DMXL2: variants seen among roughly 807,000 people sequenced by gnomAD.
The protein encoded by DMXL2 is dmX-like protein 2.
DMXL2 carries 103 observed loss-of-function variants against 331.1 expected under a neutral mutation model. The ratio of observed to expected loss-of-function variants is 0.31; its 90% CI spans 0.27 to 0.37. The LOEUF (loss-of-function observed/expected upper bound fraction) is 0.37, where lower values mean the gene tolerates loss of function less well. DMXL2 is among the 10% of genes least tolerant of loss of function. The pLI, the probability that DMXL2 is intolerant of heterozygous loss-of-function variation, is 1.00. For synonymous variants in DMXL2, 1,281 were observed against 1,252.1 expected, an observed-to-expected ratio of 1.02 and a Z score of -0.49; for missense variants, 3,171 against 3,642.9, an observed-to-expected ratio of 0.87 and a Z score of 3.33.
At chr15:51,583,157 G>C (rs1595610738) in intron 1 of DMXL2, among the ~76,000 whole-genome samples, 3 of 114,514 alleles carry the variant, frequency 2.6e-5, no homozygotes, top group South Asian at 3.2e-4. Context: ...CTAAGTTTTA[G>C]GGTACATGTG....
intron 1 of DMXL2, among the ~76,000 whole-genome samples, chr15:51,580,373 A>T (rs771700524): frequency 6.6e-6 from 1 of 152,208 alleles, no homozygotes; most frequent in Non-Finnish European, 1.5e-5. Context: ...TGACTAAGCT[A>T]AGTTAGTAAA....
Position 51,463,439 on chromosome 15 carries a change from T to C in DMXL2, c.7866A>G (p.Gln2622=). 6.2e-7 allele frequency: 1 copy of C among 1,602,490 alleles called. No individual in the cohort carries two copies. The change falls in exon 33 of 44, where the codon CAA becomes CAG. Residue 2622 remains glutamine (Q), a synonymous_variant. Transcript: ENST00000560891. The part of the protein sequence containing the change: ...VKRLWHFLVK[Q]EVLQETFIRY... ...TAATAAATGTCTCTTGAAGGACCTC[T>C]TGTTTAACAAGGAAATGCCAAAGTC...
At chr15:51,583,105 TCTTTTTTTTTTTTTTC>T (rs1304785129) in intron 1 of DMXL2, among the ~76,000 whole-genome samples, 8 of 59,668 alleles carry the variant, frequency 1.3e-4, no homozygotes, top group Admixed American at 4.2e-4. Flanking sequence ...ACTTCATTCT[TCTTTTTTTTTTTTTTC>T]TTTTTTTTTT....
At position 51,507,265 on chromosome 15, in the gene DMXL2, A is replaced by G; in HGVS notation, c.2645-12T>C. The G allele has an allele frequency of 6.3e-7, 1 of 1,598,524 alleles. No homozygotes were observed. The highest frequency in any genetic ancestry group is 8.5e-7 in the Non-Finnish European group (1 of 1,174,638). On this transcript the variant is annotated splice_polypyrimidine_tract_variant and intron_variant, in intron 15 of 43. Transcript: ENST00000560891. The stretch of plus-strand genomic sequence containing the variant: ...TGGTGGGCGGTATCCTATTATTCAA[A>G]GGAAAAGGATATTTAAATTAGTATG...
At chr15:51,451,363 T>A (rs1416846193) in intron 42 of DMXL2, among the ~76,000 whole-genome samples, 1 of 152,264 alleles carries the variant, frequency 6.6e-6, no homozygotes, top group African/African-American at 2.4e-5. Flanking sequence ...GCAACTAATT[T>A]CTTAAATAGC....
At chr15:51,578,048 A>T (rs2051162056) in intron 1 of DMXL2, among the ~76,000 whole-genome samples, 1 of 152,196 alleles carries the variant, frequency 6.6e-6, no homozygotes, top group South Asian at 2.1e-4. Flanking sequence ...ACTAATTACA[A>T]CTAAATGACA....
chr15:51,582,128 G>T (rs985027889), intron 1 of DMXL2, among the ~76,000 whole-genome samples: 1 of 152,078 alleles, frequency 6.6e-6, no homozygotes, highest in African/African-American at 2.4e-5. Flanking sequence ...AACCTACTGG[G>T]TGACAAGTAT....
intron 29 of DMXL2, among the ~76,000 whole-genome samples, chr15:51,468,661 T>C (rs1450874008): frequency 6.6e-6 from 1 of 152,106 alleles, no homozygotes; most frequent in Non-Finnish European, 1.5e-5. Flanking sequence ...AGCAAATACA[T>C]GAAAAATGAA....
intron 16 of DMXL2, among the ~76,000 whole-genome samples, chr15:51,506,857 C>G (rs1333174166): frequency 6.6e-6 from 1 of 152,098 alleles, no homozygotes; most frequent in East Asian, 1.9e-4. Flanking sequence ...ACATCTAGAA[C>G]AGTCATAATG....
chr15:51,483,397 G>A (rs2042158502), intron 23 of DMXL2, among the ~76,000 whole-genome samples: 1 of 152,202 alleles, frequency 6.6e-6, no homozygotes, highest in East Asian at 1.9e-4. Context: ...TCCCAGCTAT[G>A]CAGAGCCTAG....
chr15:51,467,084 G>A (rs2040650012), intron 29 of DMXL2, among the ~76,000 whole-genome samples: 1 of 151,934 alleles, frequency 6.6e-6, no homozygotes, highest in South Asian at 2.1e-4. Flanking sequence ...AGCTAAGTGT[G>A]GGAATGGGAG....
chr15:51,549,899 A>G (rs2049108502), intron 6 of DMXL2, among the ~76,000 whole-genome samples: 1 of 151,800 alleles, frequency 6.6e-6, no homozygotes, highest in Non-Finnish European at 1.5e-5. Flanking sequence ...ATTTTCTCCC[A>G]CTCTGTGGAC....
chr15:51,588,308 C>T (rs1395754752), intron 1 of DMXL2, among the ~76,000 whole-genome samples: 1 of 152,056 alleles, frequency 6.6e-6, no homozygotes, highest in East Asian at 1.9e-4. Context: ...CAGGTGCAAG[C>T]ACCACACCCT....
At chr15:51,470,176 C>T (rs1023967180) in intron 29 of DMXL2, among the ~76,000 whole-genome samples, 3 of 152,112 alleles carry the variant, frequency 2.0e-5, no homozygotes, top group African/African-American at 4.8e-5. Context: ...CAGTCCGACA[C>T]CCAGGCTGGT....
intron 40 of DMXL2, among the ~76,000 whole-genome samples, 156 bp from the exon 41 acceptor site, chr15:51,453,797 G>A (rs1388472602): frequency 6.6e-6 from 1 of 152,168 alleles, no homozygotes; most frequent in East Asian, 1.9e-4. Flanking sequence ...ATAGTATGAG[G>A]CTTAACTGTC....
At chr15:51,571,479 T>A (rs1244905674) in intron 2 of DMXL2, among the ~76,000 whole-genome samples, 1 of 152,178 alleles carries the variant, frequency 6.6e-6, no homozygotes, top group Non-Finnish European at 1.5e-5. Context: ...CAACAGAGTA[T>A]ACATTCTTCT....
intron 15 of DMXL2, among the ~76,000 whole-genome samples, chr15:51,510,165 C>A (rs979174046): frequency 6.6e-6 from 1 of 152,206 alleles, no homozygotes; most frequent in African/African-American, 2.4e-5. Context: ...GATGCCCTCT[C>A]TCACCACTCC....
chr15:51,547,401 CA>C lies in DMXL2; in HGVS notation c.574del (p.Cys192ValfsTer3). On this transcript the variant is annotated frameshift_variant, in exon 7 of 44. Transcript: ENST00000560891. LOFTEE classifies it high-confidence loss of function. ...EYFATAGKDD[C>X]LLKVWYPMTG... is the part of the protein sequence containing the mutation. Reference sequence around the variant, plus strand: ...CATAGGATACCACACTTTCAAAAGACAATCATCCTGAAAAATACATAGGTCA... The same window carrying C: ...CATAGGATACCACACTTTCAAAAGACATCATCCTGAAAAATACATAGGTCA... The C allele has an allele frequency of 6.3e-7, 1 of 1,579,898 alleles. No homozygotes were observed. Among genetic ancestry groups the C allele is most frequent in the Non-Finnish European group, 8.6e-7 (1 of 1,168,476 alleles).
chr15:51,603,306 G>A (rs997136820), intron 1 of DMXL2, among the ~76,000 whole-genome samples: 4 of 151,988 alleles, frequency 2.6e-5, no homozygotes, highest in South Asian at 2.1e-4. Context: ...GTATAATAAC[G>A]AAATGCCACA....
Sources: allele counts gnomAD v4.1 joint callset (sites outside exome capture counted in the v4.1 genomes callset), GRCh38; gene constraint gnomAD v4.1.1; transcripts MANE v1.5; gene names NCBI Gene and HGNC (gene_info 2026-07-23, HGNC 2026-07-21).